NCKAP5: variants seen among roughly 807,000 people sequenced by gnomAD.
The protein encoded by NCKAP5 is nck-associated protein 5.
NCKAP5 carries 92 observed loss-of-function variants against 167.0 expected under a neutral mutation model. The ratio of observed to expected loss-of-function variants is 0.55; its 90% CI spans 0.47 to 0.66. The LOEUF (loss-of-function observed/expected upper bound fraction) is 0.66. NCKAP5 is among the 30% of genes least tolerant of loss of function. NCKAP5 has a pLI of 0.00. For synonymous variants in NCKAP5, 891 were observed against 877.4 expected, an observed-to-expected ratio of 1.02 and a Z score of -0.27; for missense variants, 2,378 against 2,315.0, an observed-to-expected ratio of 1.03 and a Z score of -0.56.
intron 3 of NCKAP5, chr2:133,391,022 G>C (rs1032912662): frequency 6.6e-6 from 1 of 152,156 alleles, no homozygotes; most frequent in African/African-American, 2.4e-5. Context: ...CATGTAGATG[G>C]AGCCTTCTTT....
chr2:133,085,124 G>A (rs1308851567), intron 6 of NCKAP5, among the ~76,000 whole-genome samples: 1 of 152,150 alleles, frequency 6.6e-6, no homozygotes, highest in South Asian at 2.1e-4. Flanking sequence ...CCTGCAAACT[G>A]TAGTTTGCTT....
chr2:133,478,450 A>G (rs1680137244), intron 3 of NCKAP5, among the ~76,000 whole-genome samples: 1 of 152,048 alleles, frequency 6.6e-6, no homozygotes, highest in South Asian at 2.1e-4. Flanking sequence ...GGGATCTTGA[A>G]CCTTCCTAGA....
At chr2:133,024,413 A>T (rs892122563) in intron 6 of NCKAP5, among the ~76,000 whole-genome samples, 1 of 152,208 alleles carries the variant, frequency 6.6e-6, no homozygotes, top group Non-Finnish European at 1.5e-5. Flanking sequence ...TGTAATACTC[A>T]TTATGCAATC....
At chr2:133,324,621 G>A (rs1005755596) in intron 3 of NCKAP5, among the ~76,000 whole-genome samples, 4 of 152,170 alleles carry the variant, frequency 2.6e-5, no homozygotes, top group Non-Finnish European at 5.9e-5. Flanking sequence ...TGATTTCAGC[G>A]AAATAAAAGT....
the NCKAP5 span, among the ~76,000 whole-genome samples, chr2:133,610,687 A>AAC: frequency 9.5e-4 from 144 of 152,010 alleles, no homozygotes; most frequent in African/African-American, 2.6e-3. Context: ...AAAGTTAATA[A>AAC]ACACACACAC....
chr2:133,154,220 G>A (rs1300757768), intron 5 of NCKAP5, among the ~76,000 whole-genome samples: 3 of 152,134 alleles, frequency 2.0e-5, no homozygotes, highest in Admixed American at 6.5e-5. Context: ...CACATGCTGT[G>A]ATTATGCAAC....
At chr2:133,064,160 T>G (rs948492646) in intron 6 of NCKAP5, among the ~76,000 whole-genome samples, 4 of 152,214 alleles carry the variant, frequency 2.6e-5, no homozygotes, top group African/African-American at 9.6e-5. Context: ...ATCTTTGTCT[T>G]GGCATGGGTT....
chr2:133,610,391 GGAA>G, the NCKAP5 span, among the ~76,000 whole-genome samples: 8 of 152,132 alleles, frequency 5.3e-5, no homozygotes, highest in Admixed American at 5.2e-4. Context: ...GGAAGGGTGA[GGAA>G]GAAGAAGCTT....
intron 6 of NCKAP5, among the ~76,000 whole-genome samples, chr2:133,106,442 A>C (rs2081703799): frequency 6.6e-6 from 1 of 152,170 alleles, no homozygotes; most frequent in African/African-American, 2.4e-5. Context: ...CAGGACCAGA[A>C]GCACCTGCTC....
intron 3 of NCKAP5, among the ~76,000 whole-genome samples, chr2:133,517,185 A>T (rs912890216): frequency 6.6e-6 from 1 of 152,232 alleles, no homozygotes; most frequent in African/African-American, 2.4e-5. Context: ...GTGTTTTTGT[A>T]TAGGCTGAAG....
intron 1 of NCKAP5, among the ~76,000 whole-genome samples, chr2:133,560,556 A>C (rs973580936): frequency 6.6e-6 from 1 of 152,178 alleles, no homozygotes; most frequent in Admixed American, 6.5e-5. Context: ...TAGAGTGGGG[A>C]GAAGAGAACC....
At chr2:133,306,529 T>C (rs1680790873) in intron 3 of NCKAP5, among the ~76,000 whole-genome samples, 1 of 152,190 alleles carries the variant, frequency 6.6e-6, no homozygotes, top group African/African-American at 2.4e-5. Flanking sequence ...AGAAAGTTCT[T>C]TTTTAATGTT....
intron 7 of NCKAP5, among the ~76,000 whole-genome samples, chr2:132,993,307 CTG>C (rs1332406755): frequency 1.1e-4 from 16 of 152,206 alleles, no homozygotes; most frequent in African/African-American, 3.9e-4. Flanking sequence ...TATACAGTGT[CTG>C]TGCTGTTTCT....
At chr2:132,889,363 G>A (rs529386321) in intron 8 of NCKAP5, among the ~76,000 whole-genome samples, 1 of 152,306 alleles carries the variant, frequency 6.6e-6, no homozygotes, top group East Asian at 1.9e-4. Context: ...AAACGAGGTG[G>A]AACATCAATT....
intron 11 of NCKAP5, among the ~76,000 whole-genome samples, chr2:132,797,000 TA>T (rs1025222230): frequency 6.6e-6 from 1 of 152,148 alleles, no homozygotes; most frequent in Non-Finnish European, 1.5e-5. Flanking sequence ...AAGTAGTAGT[TA>T]AAAAAATAAG....
chr2:132,780,701 G>T (rs964961390), intron 15 of NCKAP5, among the ~76,000 whole-genome samples: 3 of 152,094 alleles, frequency 2.0e-5, no homozygotes, highest in Admixed American at 1.3e-4. Flanking sequence ...TTGGTGGCAG[G>T]TGATGTTAGA....
At chr2:133,385,778 G>A (rs1373743794) in intron 3 of NCKAP5, among the ~76,000 whole-genome samples, 1 of 152,124 alleles carries the variant, frequency 6.6e-6, no homozygotes, top group Non-Finnish European at 1.5e-5. Flanking sequence ...AGTCTTGGGA[G>A]GGTGTATGTG....
At chr2:133,003,156 C>T (rs889871107) in intron 6 of NCKAP5, among the ~76,000 whole-genome samples, 1 of 152,208 alleles carries the variant, frequency 6.6e-6, no homozygotes, top group Admixed American at 6.5e-5. Context: ...TCCTGGCAGA[C>T]TAATCTCTGC....
At chr2:132,891,247 T>C (rs1006053423) in intron 8 of NCKAP5, among the ~76,000 whole-genome samples, 1 of 152,176 alleles carries the variant, frequency 6.6e-6, no homozygotes, top group African/African-American at 2.4e-5. Flanking sequence ...GATCACAGAC[T>C]GTGGGGGAGC....
Sources: allele counts gnomAD v4.1 joint callset (sites outside exome capture counted in the v4.1 genomes callset), GRCh38; gene constraint gnomAD v4.1.1; transcripts MANE v1.5; gene names NCBI Gene and HGNC (gene_info 2026-07-23, HGNC 2026-07-21).